ADAMTS9: variants seen among roughly 807,000 people sequenced by gnomAD.
ADAMTS9 encodes A disintegrin and metalloproteinase with thrombospondin motifs 9.
ADAMTS9 carries 107 observed loss-of-function variants against 257.1 expected under a neutral mutation model. The ratio of observed to expected loss-of-function variants is 0.42; its 90% CI spans 0.36 to 0.49. ADAMTS9 has a LOEUF of 0.49. ADAMTS9 is among the 20% of genes least tolerant of loss of function. ADAMTS9 has a pLI of 0.03. For missense variants in ADAMTS9, 2,353 were observed against 2,469.1 expected (o/e 0.95, Z 1.00); for synonymous variants, 982 against 880.9 (o/e 1.11, Z -2.03).
intron 8 of ADAMTS9, among the ~76,000 whole-genome samples, chr3:64,652,621 A>G (rs1700958448): frequency 6.6e-6 from 1 of 152,218 alleles, no homozygotes; most frequent in Non-Finnish European, 1.5e-5. Context: ...ATTTATTTTC[A>G]TTCAAATGTT....
chr3:64,605,659 C>G (rs1242419310), intron 23 of ADAMTS9, among the ~76,000 whole-genome samples: 5 of 152,274 alleles, frequency 3.3e-5, no homozygotes, highest in African/African-American at 9.6e-5. Context: ...TATGTATTCT[C>G]TTTACATACA....
intron 28 of ADAMTS9, among the ~76,000 whole-genome samples, chr3:64,580,965 T>C (rs1477237882): frequency 6.6e-6 from 1 of 152,210 alleles, no homozygotes; most frequent in Non-Finnish European, 1.5e-5. Context: ...CCATCAGGTC[T>C]GGATCCAATA....
chr3:64,629,710 C>T (rs145828716), intron 16 of ADAMTS9, among the ~76,000 whole-genome samples: 50 of 152,322 alleles, frequency 3.3e-4, no homozygotes, highest in African/African-American at 9.1e-4. Flanking sequence ...TAAAAAGTAA[C>T]GTCCAAGAAG....
At chr3:64,645,642 C>T (rs1700768898) in intron 11 of ADAMTS9, among the ~76,000 whole-genome samples, 1 of 152,170 alleles carries the variant, frequency 6.6e-6, no homozygotes, top group African/African-American at 2.4e-5. Flanking sequence ...AAATACTCTT[C>T]AGGATATTTA....
rs961252987 is a variant in ADAMTS9, at chr3:64,644,168, A to C, written c.1711-2175T>G. Reference sequence around the variant, plus strand: ...ATGGCAAACATGTACACTGCACTTAATATTTGTCAGGCACTGTTCTAAGCA... The same window carrying C: ...ATGGCAAACATGTACACTGCACTTACTATTTGTCAGGCACTGTTCTAAGCA... On this transcript the variant is annotated intron_variant, in intron 11 of 39. Coordinates refer to ENST00000498707, the MANE Select transcript of ADAMTS9 (RefSeq NM_182920.2). Among the ~76,000 whole-genome samples, 4 of 152,234 alleles carry C rather than the reference A, an allele frequency of 2.6e-5. No individual in the cohort carries two copies. In the South Asian group the frequency reaches 6.2e-4, roughly 24 times the overall value.
At position 64,546,966 on chromosome 3, in the gene ADAMTS9, G is replaced by A. The variant is rs918532588; in HGVS notation, c.4870-14C>T. ...GGTCACTGAGCACTGCAAAGACAGG[G>A]ATTGAGAGGAGAGGTTCGAGCAGTT... On this transcript the variant is annotated splice_polypyrimidine_tract_variant and intron_variant, in intron 31 of 39. Coordinates refer to ENST00000498707, the MANE Select transcript of ADAMTS9 (RefSeq NM_182920.2). 31 of 1,596,530 alleles carry A rather than the reference G, an allele frequency of 1.9e-5. No individual in the cohort carries two copies. The highest frequency in any genetic ancestry group is 2.6e-5 in the Non-Finnish European group (30 of 1,171,310).
chr3:64,576,303 G>A (rs985854191), intron 28 of ADAMTS9, among the ~76,000 whole-genome samples: 2 of 152,156 alleles, frequency 1.3e-5, no homozygotes, highest in African/African-American at 4.8e-5. Flanking sequence ...AGCCACAGAA[G>A]CAGCGTCAAT....
At chr3:64,662,725 G>T (rs1701254112) in intron 3 of ADAMTS9, among the ~76,000 whole-genome samples, 1 of 152,060 alleles carries the variant, frequency 6.6e-6, no homozygotes, top group Non-Finnish European at 1.5e-5. Context: ...AAGGTCTCCA[G>T]TCATAGGAAA....
intron 32 of ADAMTS9, among the ~76,000 whole-genome samples, chr3:64,545,218 G>C (rs956615011): frequency 6.6e-6 from 1 of 152,208 alleles, no homozygotes; most frequent in African/African-American, 2.4e-5. Flanking sequence ...CAAGGATCTA[G>C]AACGAGAAAT....
chr3:64,648,080 G>C, intron 10 of ADAMTS9, 36 bp from the exon 11 acceptor site: 2 of 1,569,710 alleles, frequency 1.3e-6, no homozygotes. Flanking sequence ...TGAGTGACAA[G>C]TGATTTATTT....
At chr3:64,670,351 A>C (rs1701457542) in intron 3 of ADAMTS9, among the ~76,000 whole-genome samples, 1 of 152,212 alleles carries the variant, frequency 6.6e-6, no homozygotes, top group African/African-American at 2.4e-5. Flanking sequence ...TGAGCAATAA[A>C]AATAACAACT....
intron 20 of ADAMTS9, 54 bp downstream of exon 20, chr3:64,615,906 C>T (rs2084753222): frequency 6.2e-7 from 1 of 1,602,972 alleles, no homozygotes; most frequent in South Asian, 1.1e-5. Flanking sequence ...AAGGAGCCAC[C>T]ATCAACTAAT....
At chr3:64,642,298 G>A (rs1037473310) in intron 11 of ADAMTS9, among the ~76,000 whole-genome samples, 17 of 152,174 alleles carry the variant, frequency 1.1e-4, no homozygotes, top group African/African-American at 3.1e-4. Context: ...AAAACCAGGA[G>A]TGGAAATGGG....
chr3:64,575,450 C>G (rs1288722756), intron 28 of ADAMTS9, among the ~76,000 whole-genome samples: 1 of 152,154 alleles, frequency 6.6e-6, no homozygotes, highest in Non-Finnish European at 1.5e-5. Context: ...AAAACCACAG[C>G]TAACCACACA....
chr3:64,664,380 G>T (rs2106991009), intron 3 of ADAMTS9, among the ~76,000 whole-genome samples: 1 of 152,238 alleles, frequency 6.6e-6, no homozygotes, highest in Non-Finnish European at 1.5e-5. Context: ...TCTAACTTTA[G>T]AATATTTTCA....
chr3:64,537,208 C>T (rs1231332982), intron 37 of ADAMTS9, among the ~76,000 whole-genome samples: 2 of 152,164 alleles, frequency 1.3e-5, no homozygotes, highest in Non-Finnish European at 2.9e-5. Context: ...TTAGGAATTG[C>T]TTCATTGTCA....
chr3:64,658,636 TTTCTC>T lies in ADAMTS9; in HGVS notation c.830_834del (p.Arg277LysfsTer51). ...CGTTTTGTCCTTCTGTGGGTCCTCTTTTCTCTTGTGTTGTCCGTCTTATTACCATA... is the reference window on the plus strand; with the variant it reads ...CGTTTTGTCCTTCTGTGGGTCCTCTTTTGTGTTGTCCGTCTTATTACCATA... On this transcript the variant is annotated frameshift_variant, in exon 4 of 40. Transcript: ENST00000498707. LOFTEE classifies it high-confidence loss of function. The T allele has an allele frequency of 1.2e-6, 2 of 1,614,036 alleles. No individual in the cohort carries two copies. Among genetic ancestry groups the T allele is most frequent in the Non-Finnish European group, 1.7e-6 (2 of 1,179,982 alleles).
At chr3:64,579,521 A>T (rs948537602) in intron 28 of ADAMTS9, among the ~76,000 whole-genome samples, 2 of 151,950 alleles carry the variant, frequency 1.3e-5, no homozygotes, top group African/African-American at 4.8e-5. Flanking sequence ...TGTGATTCGT[A>T]GCTTGTCTCC....
At position 64,616,008 on chromosome 3, in the gene ADAMTS9, G is replaced by A; in HGVS notation, c.2976C>T (p.Cys992=). ...SHPKPSNREK[C]SGECNTGGWR... is the part of the protein sequence containing the mutation. ...AGCCACCCGTGTTACATTCCCCTGA[G>A]CATTTTTCACGGTTGCTTGGTTTGG... The change falls in exon 20 of 40, where the codon TGC becomes TGT. Residue 992 remains cysteine (C), a synonymous_variant. Transcript: ENST00000498707. 2 of 1,613,926 alleles carry A rather than the reference G, an allele frequency of 1.2e-6. No individual in the cohort carries two copies. The highest frequency in any genetic ancestry group is 1.7e-6 in the Non-Finnish European group (2 of 1,179,970).
Sources: allele counts gnomAD v4.1 joint callset (sites outside exome capture counted in the v4.1 genomes callset), GRCh38; gene constraint gnomAD v4.1.1; transcripts MANE v1.5; gene names NCBI Gene and HGNC (gene_info 2026-07-23, HGNC 2026-07-21).